SGSM3: variants seen among roughly 807,000 people sequenced by gnomAD.
SGSM3 encodes small G protein signaling modulator 3.
A neutral mutation model predicts 100.5 loss-of-function variants in SGSM3; 96 were observed. That is an observed-to-expected ratio of 0.96 (90% CI 0.81 to 1.13). SGSM3 has a LOEUF of 1.13. Among genes scored for constraint, SGSM3 ranks in the 50% most tolerant of loss-of-function variants. The pLI, the probability that SGSM3 is intolerant of heterozygous loss-of-function variation, is 0.00. For missense variants in SGSM3, 1,001 were observed against 1,015.8 expected, an observed-to-expected ratio of 0.99 and a Z score of 0.20; for synonymous variants, 483 against 422.8, an observed-to-expected ratio of 1.14 and a Z score of -1.75.
chr22:40,401,724 A>G (rs2050786408), intron 3 of SGSM3, 49 bp downstream of exon 3: 4 of 1,524,010 alleles, frequency 2.6e-6, no homozygotes, highest in Non-Finnish European at 3.6e-6. Context: ...ACGCTGTGGT[A>G]TGAAGGGGAC....
intron 10 of SGSM3, 32 bp downstream of exon 10, chr22:40,406,694 C>G: frequency 6.4e-7 from 1 of 1,557,686 alleles, no homozygotes; most frequent in Non-Finnish European, 8.8e-7. Context: ...CACCTTGACC[C>G]ACAGCACACG....
At chr22:40,383,401 A>G (rs929440540) in intron 1 of SGSM3, among the ~76,000 whole-genome samples, 4 of 150,440 alleles carry the variant, frequency 2.7e-5, no homozygotes, top group Non-Finnish European at 5.9e-5. Flanking sequence ...TGGGAGGTGG[A>G]GCTCGCAGTG....
chr22:40,401,252 A>T (rs73167022), intron 2 of SGSM3, among the ~76,000 whole-genome samples: 20,133 of 148,996 alleles, frequency 0.14, 2,039 homozygotes, highest in Admixed American at 0.34. Context: ...TGCATTTTCT[A>T]TTTTTTTTTT....
intron 18 of SGSM3, 30 bp downstream of exon 18, chr22:40,408,872 A>G: frequency 1.9e-6 from 3 of 1,613,950 alleles, no homozygotes; most frequent in Non-Finnish European, 2.5e-6. Flanking sequence ...CAGACCCTAG[A>G]GACCTCTCTG....
At chr22:40,393,100 T>G (rs1569174377) in intron 1 of SGSM3, among the ~76,000 whole-genome samples, 1 of 152,250 alleles carries the variant, frequency 6.6e-6, no homozygotes, top group Non-Finnish European at 1.5e-5. Context: ...CTTTGGATTC[T>G]TCTCACCTTT....
chr22:40,404,790 T>C, intron 6 of SGSM3, 126 bp downstream of exon 6: 1 of 714,720 alleles, frequency 1.4e-6, no homozygotes, highest in Non-Finnish European at 2.4e-6. Flanking sequence ...TGCTCCTTCC[T>C]TGGTCCTCTG....
At chr22:40,408,765 G>A (rs1457581354) in intron 17 of SGSM3, 29 bp from the exon 18 acceptor site, 1 of 1,613,812 alleles carries the variant, frequency 6.2e-7, no homozygotes, top group Admixed American at 1.7e-5. Flanking sequence ...CCCAGCCCCG[G>A]CACCCCAGGA....
intron 1 of SGSM3, among the ~76,000 whole-genome samples, chr22:40,370,994 G>A (rs1194995540): frequency 6.6e-6 from 1 of 152,254 alleles, no homozygotes; most frequent in Non-Finnish European, 1.5e-5. Context: ...CGCGCTGGCA[G>A]CCGGGAGCGG....
chr22:40,405,864 C>T lies in SGSM3; in HGVS notation c.814+20C>T. ...ACATTGGTAAGGCGCCCCTGAGCCA[C>T]TGGCTCCCATTCTGCAGCTTGGAGG... On this transcript the variant is annotated intron_variant, in intron 8 of 21. Transcript: ENST00000248929. 1 of 1,598,190 alleles carries T rather than the reference C, an allele frequency of 6.3e-7. No homozygotes were observed. Among genetic ancestry groups the T allele is most frequent in the Admixed American group, 1.7e-5 (1 of 59,148 alleles).
chr22:40,403,996 T>A, intron 4 of SGSM3: 1 of 361,210 alleles, frequency 2.8e-6, no homozygotes, highest in African/African-American at 2.1e-5. Context: ...AGGTGTCATT[T>A]CTGGATCCGG....
Position 40,407,765 on chromosome 22 carries a change from C to A in SGSM3, c.1525-24C>A, listed in dbSNP as rs1394254978. 1.2e-6 allele frequency: 2 copies of A among 1,613,834 alleles called. No individual in the cohort carries two copies. Among genetic ancestry groups the A allele is most frequent in the East Asian group, 2.2e-5 (1 of 44,894 alleles). ...TGGCCCAGGGCACCCAGCTTTGGTT[C>A]CTGCTGTTTTTCCTCCTGTGCAGAT... On this transcript the variant is annotated intron_variant, in intron 13 of 21. Coordinates refer to ENST00000248929, the MANE Select transcript of SGSM3 (RefSeq NM_015705.6). The surrounding 1 kb of genome is among the most constrained non-coding windows in gnomAD (Gnocchi z 4.7).
Position 40,406,612 on chromosome 22 carries a change from G to A in SGSM3, c.1135G>A (p.Ala379Thr), listed in dbSNP as rs1026125737. The part of the protein sequence containing the change: ...QRRKHLAYLI[A>T]DQGQLLGAGT... Reference sequence around the variant, plus strand: ...CCGCAAGCACCTGGCCTATCTCATTGCAGACCAGGGCCAGCTCCTGGGGGC... The same window carrying A: ...CCGCAAGCACCTGGCCTATCTCATTACAGACCAGGGCCAGCTCCTGGGGGC... Residue 379 changes from alanine to threonine, a missense_variant, in exon 10 of 22, where the codon GCA becomes ACA. By Grantham distance (58) the Ala-to-Thr change is moderately conservative. Transcript: ENST00000248929. The A allele has an allele frequency of 1.4e-5, 23 of 1,610,764 alleles. No homozygotes were observed. Among genetic ancestry groups the A allele is most frequent in the East Asian group, 4.5e-5 (2 of 44,788 alleles).
At chr22:40,400,601 C>T (rs1378203419) in intron 1 of SGSM3, 95 bp from the exon 2 acceptor site, 7 of 470,680 alleles carry the variant, frequency 1.5e-5, no homozygotes, top group Non-Finnish European at 2.3e-5. Flanking sequence ...TGAGATTGCA[C>T]CACTGCACTC....
intron 1 of SGSM3, among the ~76,000 whole-genome samples, chr22:40,396,998 A>T (rs1416482507): frequency 6.6e-6 from 1 of 152,146 alleles, no homozygotes; most frequent in Non-Finnish European, 1.5e-5. Flanking sequence ...CTGTTTTTCA[A>T]CTTTCTGCCT....
chr22:40,382,166 C>G (rs1187178799), intron 1 of SGSM3, among the ~76,000 whole-genome samples: 1 of 152,006 alleles, frequency 6.6e-6, no homozygotes, highest in Non-Finnish European at 1.5e-5. Flanking sequence ...ACTCATCAAT[C>G]TGAAAAAGTA....
Position 40,398,367 on chromosome 22 carries a change from T to C in SGSM3, c.-111-2329T>C, listed in dbSNP as rs1569187115. On this transcript the variant is annotated intron_variant, in intron 1 of 21. Coordinates refer to ENST00000248929, the MANE Select transcript of SGSM3 (RefSeq NM_015705.6). ...GCTCTTAGGGGTGCTCAGTCCCCAT[T>C]TGCTGATGAATGAATGAGTGGGAGG... 1.4e-5 allele frequency among the ~76,000 whole-genome samples: 2 copies of C among 141,140 alleles called. 1 individual carries two copies. Among genetic ancestry groups the C allele is most frequent in the Non-Finnish European group, 3.1e-5 (2 of 65,098 alleles). The allele number at this position is 141,140 out of a possible 152,430, so 92.6% of individuals were successfully genotyped here. A position where few individuals can be genotyped will look rare whatever the true frequency, so the allele number is the denominator to read the frequency against.
chr22:40,384,428 A>T (rs887393053), intron 1 of SGSM3, among the ~76,000 whole-genome samples: 1 of 152,174 alleles, frequency 6.6e-6, no homozygotes, highest in African/African-American at 2.4e-5. Flanking sequence ...TCCAGTCTGG[A>T]TAACATAGGG....
intron 10 of SGSM3, 27 bp from the exon 11 acceptor site, chr22:40,406,990 C>T (rs761600550): frequency 6.4e-7 from 1 of 1,556,506 alleles, no homozygotes; most frequent in East Asian, 2.4e-5. Flanking sequence ...GGGCCAGGAC[C>T]ACCCTGACCC....
rs748887190 is a variant in SGSM3 at position 40,408,793 on chromosome 22, G to C, written c.1854-1G>C. On this transcript the variant is annotated splice_acceptor_variant, in intron 17 of 21. Transcript: ENST00000248929. LOFTEE classifies it high-confidence loss of function. ...CCCCAGGAGCTTTGGTGTCCCCTCAGGTTGGATGAAGATGGCAAAGTCCTG... is the reference window on the plus strand; with the variant it reads ...CCCCAGGAGCTTTGGTGTCCCCTCACGTTGGATGAAGATGGCAAAGTCCTG... 6.2e-7 allele frequency: 1 copy of C among 1,613,800 alleles called. No homozygotes were observed. The highest frequency in any genetic ancestry group is 1.1e-5 in the South Asian group (1 of 91,084).
Sources: gnomAD v4.1 joint callset for allele counts (sites outside exome capture counted in the v4.1 genomes callset) on GRCh38, gnomAD v4.1.1 for gene constraint, Gnocchi (gnomAD v3.1) non-coding constraint, MANE v1.5 for transcripts, NCBI Gene and HGNC (gene_info 2026-07-23, HGNC 2026-07-21) for gene names.